Variants in KIF3A observed in about 807,000 individuals in gnomAD.
The protein encoded by KIF3A is kinesin-like protein KIF3A.
A neutral mutation model predicts 92.6 loss-of-function variants in KIF3A; 27 were observed. The ratio of observed to expected loss-of-function variants is 0.29; its 90% CI spans 0.21 to 0.40. The LOEUF (loss-of-function observed/expected upper bound fraction) is 0.40, where lower values mean the gene tolerates loss of function less well. Ranked by LOEUF, KIF3A falls within the 10% of genes least tolerant of loss-of-function variation. KIF3A has a pLI of 1.00. For missense variants in KIF3A, 581 were observed against 872.6 expected (o/e 0.67, Z 4.21); for synonymous variants, 250 against 275.4 (o/e 0.91, Z 0.92).
At chr5:132,730,488 GA>G (rs1352299978) in intron 2 of KIF3A, among the ~76,000 whole-genome samples, 1 of 135,898 alleles carries the variant, frequency 7.4e-6, no homozygotes. Context: ...AAAAAAAAAA[GA>G]AAAAATAGAT....
At chr5:132,708,877 C>T (rs1192354089) in intron 10 of KIF3A, 30 bp downstream of exon 10, 1 of 1,481,386 alleles carries the variant, frequency 6.8e-7, no homozygotes, top group Admixed American at 2.0e-5. Context: ...AGCCAAAGCT[C>T]TGTTAGAGAA....
intron 5 of KIF3A, among the ~76,000 whole-genome samples, chr5:132,717,526 C>T (rs1753667712): frequency 6.6e-6 from 1 of 150,744 alleles, no homozygotes; most frequent in African/African-American, 2.4e-5. Context: ...ATATTCAGTG[C>T]AGCATTAAAA....
At chr5:132,716,210 G>C in intron 7 of KIF3A, 35 bp downstream of exon 7, 1 of 1,466,924 alleles carries the variant, frequency 6.8e-7, no homozygotes, top group South Asian at 1.2e-5. Flanking sequence ...TCTTAAATTT[G>C]CCTGATGTTA....
intron 8 of KIF3A, 30 bp from the exon 9 acceptor site, chr5:132,711,087 T>C: frequency 1.9e-6 from 3 of 1,602,206 alleles, no homozygotes; most frequent in Non-Finnish European, 2.6e-6. Flanking sequence ...CAATGTTTTT[T>C]ATCCTGTACG....
At chr5:132,723,554 A>G (rs1753899439) in intron 4 of KIF3A, 1 of 152,240 alleles carries the variant, frequency 6.6e-6, no homozygotes, top group African/African-American at 2.4e-5. Context: ...TGGGGAAAGG[A>G]TTCCCTATTT....
chr5:132,719,826 C>G (rs1753766936), intron 5 of KIF3A, among the ~76,000 whole-genome samples: 1 of 152,058 alleles, frequency 6.6e-6, no homozygotes, highest in African/African-American at 2.4e-5. Flanking sequence ...ATCACCAGTA[C>G]TAGGTTTGAG....
At chr5:132,729,370 T>G (rs1754147447) in intron 2 of KIF3A, among the ~76,000 whole-genome samples, 1 of 152,156 alleles carries the variant, frequency 6.6e-6, no homozygotes, top group South Asian at 2.1e-4. Flanking sequence ...GAGAATCACT[T>G]GAGTCCAGGA....
At chr5:132,729,504 G>A (rs1754153494) in intron 2 of KIF3A, among the ~76,000 whole-genome samples, 1 of 150,904 alleles carries the variant, frequency 6.6e-6, no homozygotes, top group Non-Finnish European at 1.5e-5. Context: ...TATATTCTGG[G>A]TCATAAAACA....
In KIF3A at chr5:132,708,889, G is replaced by A. The variant is rs1006105382; in HGVS notation, c.1300+18C>T. ...AAAAGCCAAAGCTCTGTTAGAGAAT[G>A]TAAGAGCTACCACTCACTAGGCAAG... On this transcript the variant is annotated intron_variant, in intron 10 of 18. Coordinates refer to ENST00000403231, the MANE Select transcript of KIF3A (RefSeq NM_001300791.2). The A allele has an allele frequency of 6.5e-7, 1 of 1,526,964 alleles. No homozygotes were observed. Among genetic ancestry groups the A allele is most frequent in the South Asian group, 1.2e-5 (1 of 83,552 alleles). The allele number at this position is 1,526,964 out of a possible 1,614,324, so 94.6% of individuals were successfully genotyped here. A position where few individuals can be genotyped will look rare whatever the true frequency, so the allele number is the denominator to read the frequency against.
At position 132,720,648 on chromosome 5, in the gene KIF3A, C is replaced by T; in HGVS notation, c.577G>A (p.Asp193Asn). 6.2e-7 allele frequency: 1 copy of T among 1,612,014 alleles called. No homozygotes were observed. Among genetic ancestry groups the T allele is most frequent in the Non-Finnish European group, 8.5e-7 (1 of 1,178,604 alleles). Reference sequence around the variant, plus strand: ...AGCGTCATAATTCTATCCATATCATCAGCATTATTTACCACATAAGCTGAT... The same window carrying T: ...AGCGTCATAATTCTATCCATATCATTAGCATTATTTACCACATAAGCTGAT... ...DLSAYVVNNA[D>N]DMDRIMTLGH... Residue 193 changes from aspartate (D) to asparagine (N), a missense_variant, in exon 5 of 19, where the codon GAT (aspartate) becomes AAT (asparagine). Physicochemically the swap from Asp to Asn is conservative, Grantham distance 23. Transcript: ENST00000403231.
At chr5:132,729,145 G>A (rs578248863) in intron 2 of KIF3A, among the ~76,000 whole-genome samples, 1 of 152,188 alleles carries the variant, frequency 6.6e-6, no homozygotes, top group East Asian at 1.9e-4. Context: ...TGGGAGGCGA[G>A]TGAGAGATAA....
chr5:132,711,779 G>A (rs889907014), intron 8 of KIF3A, among the ~76,000 whole-genome samples: 2 of 152,030 alleles, frequency 1.3e-5, no homozygotes, highest in African/African-American at 4.8e-5. Flanking sequence ...AAGAGACACA[G>A]AACTGTCATG....
At chr5:132,732,791 C>T (rs913427054) in intron 2 of KIF3A, among the ~76,000 whole-genome samples, 2 of 152,070 alleles carry the variant, frequency 1.3e-5, no homozygotes, top group African/African-American at 2.4e-5. Flanking sequence ...CGCCTGTAGT[C>T]CCAGCTACTC....
At chr5:132,703,996 T>C (rs537195905) in intron 11 of KIF3A, among the ~76,000 whole-genome samples, 1 of 152,040 alleles carries the variant, frequency 6.6e-6, no homozygotes, top group Non-Finnish European at 1.5e-5. Flanking sequence ...TCAGTTACTT[T>C]TTCCTGATAA....
At chr5:132,701,053 T>C (rs1753018376) in intron 15 of KIF3A, among the ~76,000 whole-genome samples, 1 of 150,138 alleles carries the variant, frequency 6.7e-6, no homozygotes, top group Non-Finnish European at 1.5e-5. Flanking sequence ...ACAAAATAAC[T>C]AAATAAAAGC....
intron 1 of KIF3A, chr5:132,736,780 C>T: frequency 4.3e-6 from 2 of 467,812 alleles, no homozygotes; most frequent in South Asian, 3.1e-5. Flanking sequence ...GCGGCCATGG[C>T]TCAATTTTCC....
intron 8 of KIF3A, among the ~76,000 whole-genome samples, chr5:132,711,416 A>G (rs767354586): frequency 6.6e-6 from 1 of 151,908 alleles, no homozygotes; most frequent in Non-Finnish European, 1.5e-5. Context: ...ACATGGCAAA[A>G]CCCCATCTCT....
At chr5:132,733,584 A>G (rs1754304186) in intron 2 of KIF3A, among the ~76,000 whole-genome samples, 1 of 152,196 alleles carries the variant, frequency 6.6e-6, no homozygotes, top group Non-Finnish European at 1.5e-5. Flanking sequence ...ACTGAGCAAC[A>G]CAGCAAGACC....
At chr5:132,728,413 C>A (rs543065006) in intron 2 of KIF3A, among the ~76,000 whole-genome samples, 2 of 152,084 alleles carry the variant, frequency 1.3e-5, no homozygotes, top group South Asian at 4.1e-4. Context: ...AAAATAGGCA[C>A]TATTTATTAT....
Sources: allele counts gnomAD v4.1 joint callset (sites outside exome capture counted in the v4.1 genomes callset), GRCh38; gene constraint gnomAD v4.1.1; transcripts MANE v1.5; gene names NCBI Gene and HGNC (gene_info 2026-07-23, HGNC 2026-07-21).